Variants in EML1 observed in about 807,000 individuals in gnomAD.
EML1 encodes echinoderm microtubule-associated protein-like 1.
EML1 carries 27 observed loss-of-function variants against 110.4 expected under a neutral mutation model. The ratio of observed to expected loss-of-function variants is 0.24; its 90% CI spans 0.18 to 0.34. The LOEUF (loss-of-function observed/expected upper bound fraction) is 0.34. EML1 is among the 10% of genes least tolerant of loss of function. The pLI, the probability that EML1 is intolerant of heterozygous loss-of-function variation, is 1.00. For missense variants in EML1, 741 were observed against 1,030.9 expected, an observed-to-expected ratio of 0.72 and a Z score of 3.85; for synonymous variants, 344 against 385.8, an observed-to-expected ratio of 0.89 and a Z score of 1.27.
intron 1 of EML1, among the ~76,000 whole-genome samples, chr14:99,794,520 A>G (rs1006315954): frequency 1.3e-5 from 2 of 152,194 alleles, no homozygotes; most frequent in African/African-American, 4.8e-5. Flanking sequence ...ATTTAGGGAA[A>G]GTTTTCTTGT....
rs1368615765 is a variant in EML1 at position 99,757,451 on chromosome 14, C to A, written c.28+19591C>A. On this transcript the variant is annotated intron_variant, in intron 1 of 10. Transcript: ENST00000554479. ...TGGCCTTGCATACAGTCGCGCATAC[C>A]GCTTGTGCACATCTAGGAGCCTCGT... Among the ~76,000 whole-genome samples the A allele has an allele frequency of 2.0e-5, 3 of 152,274 alleles. No homozygotes were observed. The South Asian group carries it at 6.2e-4, about 32-fold the overall frequency.
chr14:99,797,454 G>A (rs148934190), intron 1 of EML1, among the ~76,000 whole-genome samples: 1 of 152,134 alleles, frequency 6.6e-6, no homozygotes, highest in Non-Finnish European at 1.5e-5. Context: ...ATTTCTCTTG[G>A]GCAGATATCT....
At chr14:99,834,149 A>G (rs1275075213) in intron 1 of EML1, among the ~76,000 whole-genome samples, 2 of 152,128 alleles carry the variant, frequency 1.3e-5, no homozygotes, top group Non-Finnish European at 2.9e-5. Flanking sequence ...CTTTTTCTGC[A>G]TTTATTGACC....
chr14:99,885,324 A>T (rs2059454967), intron 4 of EML1, among the ~76,000 whole-genome samples: 1 of 152,210 alleles, frequency 6.6e-6, no homozygotes, highest in African/African-American at 2.4e-5. Flanking sequence ...TGGGCTACAG[A>T]CCTGTACAGC....
chr14:99,739,272 C>A (rs995732865), intron 1 of EML1, among the ~76,000 whole-genome samples: 1 of 152,060 alleles, frequency 6.6e-6, no homozygotes, highest in African/African-American at 2.4e-5. Flanking sequence ...AGCCAGCAGA[C>A]AGCTCTTTCT....
intron 19 of EML1, among the ~76,000 whole-genome samples, chr14:99,937,411 A>G (rs978533958): frequency 3.3e-5 from 5 of 152,100 alleles, no homozygotes; most frequent in African/African-American, 1.2e-4. Context: ...ACTGGTTTCA[A>G]TAACCTCCAT....
chr14:99,756,410 G>A (rs1189559034), intron 1 of EML1, among the ~76,000 whole-genome samples: 3 of 152,196 alleles, frequency 2.0e-5, no homozygotes, highest in South Asian at 2.1e-4. Context: ...GTGAGTCACC[G>A]CCTGGCTCAA....
At chr14:99,849,521 GTGTGTGTGTA>G (rs1403266113) in intron 1 of EML1, among the ~76,000 whole-genome samples, 3 of 133,658 alleles carry the variant, frequency 2.2e-5, no homozygotes, top group Admixed American at 7.2e-5. Context: ...GTGTGTGTGT[GTGTGTGTGTA>G]TATATATTTA....
chr14:99,765,728 T>C (rs1040425938), intron 1 of EML1, among the ~76,000 whole-genome samples: 5 of 151,680 alleles, frequency 3.3e-5, no homozygotes, highest in Admixed American at 3.3e-4. Flanking sequence ...CCTCAGCCTC[T>C]CGAGTAGCTG....
intron 13 of EML1, among the ~76,000 whole-genome samples, chr14:99,913,172 T>TATC (rs2059974270): frequency 6.6e-6 from 1 of 151,754 alleles, no homozygotes; most frequent in African/African-American, 2.4e-5. Context: ...GTGTTATTAT[T>TATC]ATTATTATTA....
chr14:99,928,684 A>G (rs750771130), intron 17 of EML1, among the ~76,000 whole-genome samples: 3 of 152,114 alleles, frequency 2.0e-5, no homozygotes, highest in Non-Finnish European at 4.4e-5. Context: ...GGGATCTTCT[A>G]TTTTATAACC....
upstream of EML1, among the ~76,000 whole-genome samples, chr14:99,768,755 G>C (rs989864149): frequency 1.4e-5 from 2 of 141,448 alleles, no homozygotes; most frequent in African/African-American, 2.6e-5. Flanking sequence ...GTCTCCCTTT[G>C]TCATCAGGCT....
chr14:99,890,750 G>T (rs1401531696), intron 4 of EML1, among the ~76,000 whole-genome samples: 1 of 152,110 alleles, frequency 6.6e-6, no homozygotes, highest in Admixed American at 6.5e-5. Context: ...CTTGTCTTCC[G>T]AGAACAGCCA....
At chr14:99,859,895 G>A (rs2058972169) in intron 2 of EML1, among the ~76,000 whole-genome samples, 1 of 152,170 alleles carries the variant, frequency 6.6e-6, no homozygotes, top group African/African-American at 2.4e-5. Flanking sequence ...ATGTAGCCAG[G>A]GGATAATGGC....
chr14:99,767,162 T>C (rs993152147), intron 1 of EML1, among the ~76,000 whole-genome samples: 1 of 152,238 alleles, frequency 6.6e-6, no homozygotes, highest in African/African-American at 2.4e-5. Flanking sequence ...TACAAATTTC[T>C]ATTTTAAGGA....
chr14:99,905,642 C>T lies in EML1; in HGVS notation c.1009-1996C>T, dbSNP rs2059832904. On this transcript the variant is annotated intron_variant, in intron 9 of 21. Transcript: ENST00000262233. This position sits in a 1 kb window ranked among gnomAD's most constrained non-coding sequence, Gnocchi z 4.1. Reference sequence around the variant, plus strand: ...ATCTTGTACATGCCTAATTCTGTCACCCTTAGCCATCAGCAAAGAGTGCAA... The same window carrying T: ...ATCTTGTACATGCCTAATTCTGTCATCCTTAGCCATCAGCAAAGAGTGCAA... 6.6e-6 allele frequency among the ~76,000 whole-genome samples: 1 copy of T among 152,156 alleles called. No homozygotes were observed. Among genetic ancestry groups the T allele is most frequent in the African/African-American group, 2.4e-5 (1 of 41,428 alleles).
At chr14:99,762,088 G>C (rs1188984847) in intron 1 of EML1, among the ~76,000 whole-genome samples, 1 of 152,142 alleles carries the variant, frequency 6.6e-6, no homozygotes, top group South Asian at 2.1e-4. Flanking sequence ...CTGAACAGAC[G>C]TGGGCACGGA....
intron 17 of EML1, 35 bp downstream of exon 17, chr14:99,920,912 T>TA: frequency 1.4e-5 from 22 of 1,583,492 alleles, no homozygotes; most frequent in Admixed American, 3.7e-5. Context: ...TTTATTTTTT[T>TA]AATCAACTTT....
intron 1 of EML1, among the ~76,000 whole-genome samples, chr14:99,752,724 T>G (rs545805361): frequency 6.6e-6 from 1 of 152,230 alleles, no homozygotes. Flanking sequence ...ATGGTCTTCC[T>G]GTGTGGCTTC....
Sources: gnomAD v4.1 joint callset for allele counts (sites outside exome capture counted in the v4.1 genomes callset) on GRCh38, gnomAD v4.1.1 for gene constraint, Gnocchi (gnomAD v3.1) non-coding constraint, MANE v1.5 for transcripts, NCBI Gene and HGNC (gene_info 2026-07-23, HGNC 2026-07-21) for gene names.